LIN7A: variants seen among roughly 807,000 people sequenced by gnomAD.
The protein encoded by LIN7A is protein lin-7 homolog A.
Under a neutral mutation model 29.8 loss-of-function variants are expected in LIN7A, and 25 were observed. The observed-to-expected ratio is 0.84, with a 90% CI of 0.61 to 1.17. LIN7A has a LOEUF of 1.17. LIN7A is among the 50% of genes most tolerant of loss of function. The pLI, the probability that LIN7A is intolerant of heterozygous loss-of-function variation, is 0.00. For synonymous variants in LIN7A, 118 were observed against 107.5 expected (o/e 1.10, Z -0.60); for missense variants, 239 against 287.0 (o/e 0.83, Z 1.21).
chr12:80,924,350 G>A (rs767638779), intron 1 of LIN7A, among the ~76,000 whole-genome samples: 19 of 152,208 alleles, frequency 1.2e-4, no homozygotes, highest in Non-Finnish European at 1.8e-4. Flanking sequence ...ATCTAAATCT[G>A]AAGCCCATGC....
chr12:80,872,466 C>A (rs748095338), intron 2 of LIN7A, among the ~76,000 whole-genome samples: 4 of 152,114 alleles, frequency 2.6e-5, no homozygotes, highest in Non-Finnish European at 4.4e-5. Flanking sequence ...AACTCCTCAA[C>A]CATAGTAATT....
At chr12:80,932,150 T>C (rs1656946140) in intron 1 of LIN7A, among the ~76,000 whole-genome samples, 1 of 152,182 alleles carries the variant, frequency 6.6e-6, no homozygotes. Flanking sequence ...CATGAAGTAA[T>C]AAGCTCTGCC....
chr12:80,912,843 T>A (rs1470834025), intron 1 of LIN7A, among the ~76,000 whole-genome samples: 6 of 152,010 alleles, frequency 3.9e-5, no homozygotes, highest in Admixed American at 3.9e-4. Flanking sequence ...CAAAAAGAAA[T>A]CCTGTATGTG....
rs1007871359 is a variant in LIN7A, at chr12:80,797,041, A to G, written c.*686T>C. The G allele has an allele frequency of 6.6e-6, 1 of 152,190 alleles. No homozygotes were observed. The highest frequency in any genetic ancestry group is 1.5e-5 in the Non-Finnish European group (1 of 68,028). 9.4% of individuals were successfully genotyped at this position (152,190 alleles called of 1,614,324 possible). A position where few individuals can be genotyped will look rare whatever the true frequency, so the allele number is the denominator to read the frequency against. On this transcript the variant is annotated 3_prime_UTR_variant, in exon 6 of 6. Transcript: ENST00000552864. ...TAGATACAAGCAATAATTAAAAACTACAGTGCTAGAGTTCCTACACTTGCT... is the reference window on the plus strand; with the variant it reads ...TAGATACAAGCAATAATTAAAAACTGCAGTGCTAGAGTTCCTACACTTGCT...
At chr12:80,895,118 C>T (rs901041653) in intron 1 of LIN7A, among the ~76,000 whole-genome samples, 1 of 152,198 alleles carries the variant, frequency 6.6e-6, no homozygotes, top group Non-Finnish European at 1.5e-5. Flanking sequence ...AGTTATAACA[C>T]TGCCGAAAGC....
rs532978165 is a variant in LIN7A at position 80,937,619 on chromosome 12, GGC to G, written c.82+20_82+21del. 13 of 1,458,058 alleles carry G rather than the reference GGC, an allele frequency of 8.9e-6. No homozygotes were observed. In the East Asian group the frequency reaches 1.4e-4, roughly 16 times the overall value. 90.3% of individuals were successfully genotyped at this position (1,458,058 alleles called of 1,614,324 possible). A position where few individuals can be genotyped will look rare whatever the true frequency, so the allele number is the denominator to read the frequency against. ...GAGGGGAGAGGGGACGCGGTGGCCT[GGC>G]GAGCGAGCCGCTCCCTTACCTCTGT... is the stretch of plus-strand genomic sequence containing the variant. On this transcript the variant is annotated intron_variant, in intron 1 of 5. Coordinates refer to ENST00000552864, the MANE Select transcript of LIN7A (RefSeq NM_004664.4).
chr12:80,809,196 G>C (rs1044636136), intron 5 of LIN7A, among the ~76,000 whole-genome samples: 12 of 151,970 alleles, frequency 7.9e-5, no homozygotes, highest in African/African-American at 2.9e-4. Flanking sequence ...TCAAACTCCT[G>C]ACCTCGTCAT....
chr12:80,915,152 CAAA>C (rs3073421), intron 1 of LIN7A, among the ~76,000 whole-genome samples: 24 of 105,000 alleles, frequency 2.3e-4, no homozygotes, highest in African/African-American at 5.5e-4. Flanking sequence ...AATCAACAAG[CAAA>C]AAAAAAAAAA....
At chr12:80,847,247 C>T (rs1404498635) in intron 3 of LIN7A, among the ~76,000 whole-genome samples, 1 of 152,168 alleles carries the variant, frequency 6.6e-6, no homozygotes, top group African/African-American at 2.4e-5. Context: ...TAAAACACTA[C>T]ACAATTCACT....
chr12:80,912,810 C>A (rs1876831288), intron 1 of LIN7A, among the ~76,000 whole-genome samples: 1 of 151,836 alleles, frequency 6.6e-6, no homozygotes, highest in African/African-American at 2.4e-5. Flanking sequence ...TAAAGGTTAC[C>A]CACGCCAGTC....
At chr12:80,901,110 G>A (rs536024446) in intron 1 of LIN7A, among the ~76,000 whole-genome samples, 33 of 152,196 alleles carry the variant, frequency 2.2e-4, no homozygotes, top group African/African-American at 7.9e-4. Context: ...TGGGCACTTA[G>A]GCACTACCTA....
At position 80,878,544 on chromosome 12, in the gene LIN7A, A is replaced by T. The variant is rs1381849375; in HGVS notation, c.201+10707T>A. On this transcript the variant is annotated intron_variant, in intron 2 of 5. Transcript: ENST00000552864. ...TCTTAAAGGTGGCACAGACCCAAAGAGTGAGCAGCAGCAAGATTTATTCTG... is the reference window on the plus strand; with the variant it reads ...TCTTAAAGGTGGCACAGACCCAAAGTGTGAGCAGCAGCAAGATTTATTCTG... Among the ~76,000 whole-genome samples the T allele has an allele frequency of 4.6e-5, 7 of 152,308 alleles. No individual in the cohort carries two copies. In the East Asian group the frequency reaches 1.4e-3, roughly 29 times the overall value.
chr12:80,871,711 G>A (rs981667393), intron 2 of LIN7A, among the ~76,000 whole-genome samples: 2 of 151,732 alleles, frequency 1.3e-5, no homozygotes, highest in African/African-American at 4.8e-5. Flanking sequence ...TTGTAAACTC[G>A]TTTTGAATTA....
chr12:80,918,778 G>C (rs1349639602), intron 1 of LIN7A, among the ~76,000 whole-genome samples: 1 of 152,160 alleles, frequency 6.6e-6, no homozygotes, highest in Admixed American at 6.5e-5. Context: ...TGAAATATGA[G>C]CAAGAACAGA....
intron 2 of LIN7A, among the ~76,000 whole-genome samples, chr12:80,875,569 G>A (rs1474212400): frequency 1.3e-5 from 2 of 152,192 alleles, no homozygotes; most frequent in African/African-American, 4.8e-5. Flanking sequence ...AATGTAAGAT[G>A]TTATTCTGAA....
rs191194646 is a variant in LIN7A at position 80,795,112 on chromosome 12, A to G, written c.*2615T>C. Reference sequence around the variant, plus strand: ...GAGCAATGCAGGTTTTTATTTTAATATAATTTGGGACATGTCAGTGGCTCT... The same window carrying G: ...GAGCAATGCAGGTTTTTATTTTAATGTAATTTGGGACATGTCAGTGGCTCT... On this transcript the variant is annotated 3_prime_UTR_variant, in exon 6 of 6. Transcript: ENST00000552864. The G allele has an allele frequency of 1.3e-5, 2 of 152,260 alleles. No individual in the cohort carries two copies. The highest frequency in any genetic ancestry group is 1.3e-4 in the Admixed American group (2 of 15,274). The allele number at this position is 152,260 out of a possible 1,614,324, so 9.4% of individuals were successfully genotyped here. A position where few individuals can be genotyped will look rare whatever the true frequency, so the allele number is the denominator to read the frequency against.
At chr12:80,831,073 G>A (rs1872325331) in intron 4 of LIN7A, among the ~76,000 whole-genome samples, 1 of 152,086 alleles carries the variant, frequency 6.6e-6, no homozygotes, top group South Asian at 2.1e-4. Flanking sequence ...ACAAAGGTAA[G>A]GACTTTTTTG....
At chr12:80,812,406 G>T (rs1481621641) in intron 4 of LIN7A, among the ~76,000 whole-genome samples, 1 of 137,388 alleles carries the variant, frequency 7.3e-6, no homozygotes, top group Non-Finnish European at 1.5e-5. Context: ...AAATAACCAC[G>T]AAATCAGATG....
At chr12:80,884,623 G>A (rs1875232965) in intron 2 of LIN7A, among the ~76,000 whole-genome samples, 1 of 152,172 alleles carries the variant, frequency 6.6e-6, no homozygotes, top group Non-Finnish European at 1.5e-5. Context: ...GATAGCTTTA[G>A]ATAGGACGGA....
Sources: allele counts gnomAD v4.1 joint callset (sites outside exome capture counted in the v4.1 genomes callset), GRCh38; gene constraint gnomAD v4.1.1; transcripts MANE v1.5; gene names NCBI Gene and HGNC (gene_info 2026-07-23, HGNC 2026-07-21).